Variants in ERMP1 observed in about 807,000 individuals in gnomAD.
ERMP1 encodes the protein Felix-ina.
ERMP1 carries 86 observed loss-of-function variants against 92.0 expected under a neutral mutation model. The observed-to-expected ratio is 0.93, with a 90% CI of 0.79 to 1.12. The LOEUF is 1.12. ERMP1 is among the 50% of genes most tolerant of loss of function. The pLI is 0.00. For synonymous variants in ERMP1, 530 were observed against 412.8 expected (o/e 1.28, Z -3.44); for missense variants, 1,342 against 1,116.3 (o/e 1.20, Z -2.88).
At chr9:5,855,965 T>A in intron 6 of ERMP1, 1 of 278,658 alleles carries the variant, frequency 3.6e-6, no homozygotes. Flanking sequence ...CGATTTATCA[T>A]CTTCCTGCTG....
chr9:5,811,492 T>C (rs1829093582), intron 6 of ERMP1, among the ~76,000 whole-genome samples, 169 bp from the exon 7 acceptor site: 1 of 152,238 alleles, frequency 6.6e-6, no homozygotes. Context: ...TCTACCATCC[T>C]ACTGCTCTCC....
In ERMP1 at chr9:5,798,768, G is replaced by A. The variant is rs200968138; in HGVS notation, c.2270+38C>T. 2,650 of 1,399,148 alleles carry A rather than the reference G, an allele frequency of 1.9e-3. 4 individuals are homozygous for A. The highest frequency in any genetic ancestry group is 2.5e-3 in the Non-Finnish European group (2,490 of 988,028). 86.7% of individuals were successfully genotyped at this position (1,399,148 alleles called of 1,614,324 possible). A position where few individuals can be genotyped will look rare whatever the true frequency, so the allele number is the denominator to read the frequency against. The stretch of plus-strand genomic sequence containing the variant: ...GTACTGATATGGTGACAAGACTTGA[G>A]AACAAACTAACCTTAAGCAGAAAAA... On this transcript the variant is annotated intron_variant, in intron 12 of 14. Coordinates refer to ENST00000339450, the MANE Select transcript of ERMP1 (RefSeq NM_024896.3).
intron 6 of ERMP1, among the ~76,000 whole-genome samples, chr9:5,848,917 C>T (rs2129751818): frequency 6.6e-6 from 1 of 152,264 alleles, no homozygotes; most frequent in Admixed American, 6.5e-5. Context: ...ATGTGGCTTA[C>T]TATGGTTAGA....
At chr9:5,835,736 T>G (rs1272489296), upstream of ERMP1, among the ~76,000 whole-genome samples, 1 of 152,206 alleles carries the variant, frequency 6.6e-6, no homozygotes, top group African/African-American at 2.4e-5. Flanking sequence ...TGAAAGGTCA[T>G]GCTTTAGGTG....
In ERMP1 at chr9:5,797,962, G is replaced by T. The variant is rs549014940; in HGVS notation, c.2271-30C>A. The T allele has an allele frequency of 2.9e-6, 4 of 1,402,088 alleles. No individual in the cohort carries two copies. In the Admixed American group the frequency reaches 5.1e-5, roughly 18 times the overall value. The allele number at this position is 1,402,088 out of a possible 1,614,324, so 86.9% of individuals were successfully genotyped here. On this transcript the variant is annotated intron_variant, in intron 12 of 14. Coordinates refer to ENST00000339450, the MANE Select transcript of ERMP1 (RefSeq NM_024896.3). ...TTAGAAAGGAAGCTTCAGTTTTAGG[G>T]TGCTTTATTATTTGATGGCTATCTG...
chr9:5,827,955 G>A (rs182176122), intron 2 of ERMP1, among the ~76,000 whole-genome samples: 79 of 152,258 alleles, frequency 5.2e-4, no homozygotes, highest in African/African-American at 1.8e-3. Context: ...TCTAGCCTGG[G>A]CGACAGAGTG....
chr9:5,836,930 C>T (rs1176291422), upstream of ERMP1, among the ~76,000 whole-genome samples: 1 of 151,950 alleles, frequency 6.6e-6, no homozygotes, highest in Non-Finnish European at 1.5e-5. Context: ...CTACTTTTAA[C>T]CCCCCCTCAA....
At chr9:5,850,226 T>C (rs541804293) in intron 6 of ERMP1, among the ~76,000 whole-genome samples, 1 of 151,366 alleles carries the variant, frequency 6.6e-6, no homozygotes, top group South Asian at 2.1e-4. Context: ...GCCAACATGG[T>C]GAAACCCATC....
chr9:5,845,854 C>G (rs1398160583), intron 6 of ERMP1, among the ~76,000 whole-genome samples: 1 of 152,124 alleles, frequency 6.6e-6, no homozygotes, highest in Non-Finnish European at 1.5e-5. Flanking sequence ...GAACCATGGA[C>G]AGGTGTAAGG....
intron 6 of ERMP1, among the ~76,000 whole-genome samples, chr9:5,840,161 G>C (rs1430968584): frequency 6.6e-6 from 1 of 152,166 alleles, no homozygotes; most frequent in Non-Finnish European, 1.5e-5. Flanking sequence ...AGAATCACTC[G>C]AACCTGGGAA....
At chr9:5,845,927 A>G (rs1168170461) in intron 6 of ERMP1, among the ~76,000 whole-genome samples, 1 of 152,206 alleles carries the variant, frequency 6.6e-6, no homozygotes, top group Non-Finnish European at 1.5e-5. Context: ...TGTTTGGGTC[A>G]GGGAGAAGGG....
At chr9:5,850,427 A>AAAAAAAAAAAAAG (rs142972934) in intron 6 of ERMP1, among the ~76,000 whole-genome samples, 1 of 144,542 alleles carries the variant, frequency 6.9e-6, no homozygotes, top group Non-Finnish European at 1.5e-5. Context: ...AAAAAAAAAA[A>AAAAAAAAAAAAAG]AAGAAGAAGA....
intron 11 of ERMP1, 37 bp from the exon 12 acceptor site, chr9:5,799,045 T>A: frequency 6.7e-7 from 1 of 1,484,532 alleles, no homozygotes; most frequent in Non-Finnish European, 9.4e-7. Context: ...CTGTTTCAAC[T>A]AGTACACCCA....
At chr9:5,805,911 A>C in intron 8 of ERMP1, 126 bp from the exon 9 acceptor site, 1 of 681,494 alleles carries the variant, frequency 1.5e-6, no homozygotes, top group Non-Finnish European at 2.3e-6. Flanking sequence ...TCTGCTCTTT[A>C]AACTGATTTA....
chr9:5,843,146 T>C (rs935720258), intron 6 of ERMP1, among the ~76,000 whole-genome samples: 14 of 152,166 alleles, frequency 9.2e-5, no homozygotes, highest in African/African-American at 3.1e-4. Context: ...GATAAGGTGA[T>C]AGAATAAAAC....
chr9:5,827,643 C>T lies in ERMP1; in HGVS notation c.641-2424G>A, dbSNP rs563116588. ...TTGGGAGGCCAAGGCAGGCAGATCA[C>T]GAGGTCAGGAGATTGAGACCATCCT... On this transcript the variant is annotated intron_variant, in intron 2 of 14. Coordinates refer to ENST00000339450, the MANE Select transcript of ERMP1 (RefSeq NM_024896.3). Among the ~76,000 whole-genome samples, 16 of 152,012 alleles carry T rather than the reference C, an allele frequency of 1.1e-4. No individual in the cohort carries two copies. In the East Asian group the frequency reaches 1.2e-3, roughly 11 times the overall value.
Position 5,787,237 on chromosome 9 carries a change from C to A in ERMP1, c.2622G>T (p.Lys874Asn), listed in dbSNP as rs763882864. Residue 874 changes from lysine (K) to asparagine (N), a missense_variant, in exon 15 of 15, where the codon AAG becomes AAT. Lys to Asn is a moderately conservative substitution (Grantham distance 94, BLOSUM62 0). Transcript: ENST00000339450. ...TCAGAGCATCCAGTTGAGGGGATCT[C>A]TTGTCTTCCCCAGACAGATAGTGGG... is the stretch of plus-strand genomic sequence containing the variant. ...IAAHYLSGEDKRSPQLDALKE... is the reference protein window; with the variant it reads ...IAAHYLSGEDNRSPQLDALKE... 1 of 1,614,088 alleles carries A rather than the reference C, an allele frequency of 6.2e-7. No homozygotes were observed. The highest frequency in any genetic ancestry group is 8.5e-7 in the Non-Finnish European group (1 of 1,179,988).
At chr9:5,802,734 T>C (rs1828718470) in intron 10 of ERMP1, among the ~76,000 whole-genome samples, 2 of 152,178 alleles carry the variant, frequency 1.3e-5, no homozygotes, top group South Asian at 4.1e-4. Flanking sequence ...TGGACCTTCA[T>C]GGTTATACGT....
At chr9:5,861,169 G>GTCT (rs776034660) in intron 5 of ERMP1, among the ~76,000 whole-genome samples, 2 of 66,878 alleles carry the variant, frequency 3.0e-5, no homozygotes, top group African/African-American at 1.3e-4. Flanking sequence ...ATGGCTTAGG[G>GTCT]GGTGTGTGTG....
Sources: allele counts gnomAD v4.1 joint callset (sites outside exome capture counted in the v4.1 genomes callset), GRCh38; gene constraint gnomAD v4.1.1; transcripts MANE v1.5; gene names NCBI Gene and HGNC (gene_info 2026-07-23, HGNC 2026-07-21).